C1orf105: variants seen among roughly 807,000 people sequenced by gnomAD.
C1orf105 encodes the protein uncharacterized protein C1orf105.
In C1orf105, 17 loss-of-function variants were observed where a neutral mutation model predicts 20.8. The ratio of observed to expected loss-of-function variants is 0.82; its 90% CI spans 0.56 to 1.23. C1orf105 has a LOEUF of 1.23. C1orf105 is among the 50% of genes most tolerant of loss of function. C1orf105 has a pLI of 0.00. For missense variants in C1orf105, 219 were observed against 213.5 expected (o/e 1.03, Z -0.16); for synonymous variants, 72 against 72.1 (o/e 1.00, Z 0.01).
At chr1:172,456,333 C>A in intron 3 of C1orf105, 82 bp from the exon 4 acceptor site, 5 of 1,179,590 alleles carry the variant, frequency 4.2e-6, no homozygotes, top group Non-Finnish European at 6.2e-6. Flanking sequence ...ACCTCTCTCA[C>A]CCCTCCACTG....
chr1:172,441,814 A>C, intron 1 of C1orf105: 1 of 1,612,822 alleles, frequency 6.2e-7, no homozygotes, highest in South Asian at 1.1e-5. Context: ...CTGCAAGCGA[A>C]TGAGGTAGAA....
At chr1:172,444,185 C>T (rs906226658) in intron 1 of C1orf105, 5 of 986,618 alleles carry the variant, frequency 5.1e-6, no homozygotes, top group Non-Finnish European at 4.8e-6. Context: ...CTCCGGTCTC[C>T]TCTCCTGGAG....
At position 172,441,464 on chromosome 1, in the gene C1orf105, G is replaced by A. The variant is rs150967830; in HGVS notation, c.22-3609G>A. 1,362 of 299,394 alleles carry A rather than the reference G, an allele frequency of 4.5e-3. 17 individuals are homozygous for A. Among genetic ancestry groups the A allele is most frequent in the African/African-American group, 0.028 (1,284 of 46,232 alleles). The allele number at this position is 299,394 out of a possible 1,614,324, so 18.5% of individuals were successfully genotyped here. ...AATCATGAGACAACTTGATGGATGT[G>A]TTATTTTTTTAATAGAAACCACATC... On this transcript the variant is annotated intron_variant, in intron 1 of 6. Transcript: ENST00000367727.
intron 6 of C1orf105, 74 bp downstream of exon 6, chr1:172,465,437 C>T: frequency 1.9e-6 from 2 of 1,074,492 alleles, no homozygotes; most frequent in Non-Finnish European, 2.9e-6. Flanking sequence ...AGTCTAATCC[C>T]TAAAATAATT....
intron 1 of C1orf105, among the ~76,000 whole-genome samples, chr1:172,424,680 C>T (rs539001631): frequency 6.6e-6 from 1 of 152,260 alleles, no homozygotes; most frequent in African/African-American, 2.4e-5. Context: ...TGTGAGCCAC[C>T]GTGCCCGGCC....
chr1:172,453,461 C>T (rs896889004), intron 3 of C1orf105, among the ~76,000 whole-genome samples: 9 of 152,306 alleles, frequency 5.9e-5, no homozygotes, highest in African/African-American at 9.6e-5. Context: ...TGTTCTGTAA[C>T]GTTTCCCTGA....
chr1:172,432,847 C>T (rs1448099762), intron 1 of C1orf105, among the ~76,000 whole-genome samples: 1 of 152,086 alleles, frequency 6.6e-6, no homozygotes, highest in African/African-American at 2.4e-5. Context: ...TCTAAGCAAT[C>T]GCAAGGAAGT....
chr1:172,431,781 G>C (rs572383366), intron 1 of C1orf105, among the ~76,000 whole-genome samples: 1 of 152,230 alleles, frequency 6.6e-6, no homozygotes, highest in Non-Finnish European at 1.5e-5. Flanking sequence ...AAAGCAGGGC[G>C]GGGCATCGCC....
rs1008891403 is a variant in C1orf105 at position 172,420,799 on chromosome 1, C to T, written c.-87C>T. ...AAACACTTTGGATTCAGGTTCTCCA[C>T]AGCAGTCTTCCACTGGCCACAGTGA... On this transcript the variant is annotated 5_prime_UTR_variant, in exon 1 of 7. Transcript: ENST00000367727. The T allele has an allele frequency of 2.2e-5, 30 of 1,362,832 alleles. 1 individual carries two copies. The East Asian group carries it at 6.9e-4, about 32-fold the overall frequency. The allele number at this position is 1,362,832 out of a possible 1,614,324, so 84.4% of individuals were successfully genotyped here.
Position 172,448,436 on chromosome 1 carries a change from C to T in C1orf105, c.108-5C>T, listed in dbSNP as rs763010358. 5 of 1,591,744 alleles carry T rather than the reference C, an allele frequency of 3.1e-6. No individual in the cohort carries two copies. The South Asian group carries it at 3.3e-5, about 11-fold the overall frequency. The stretch of plus-strand genomic sequence containing the variant: ...TTCTAACGTTCTCTTGTTTTAATTA[C>T]TTAGATATCCTCATACCTCTGCGAC... On this transcript the variant is annotated splice_region_variant and splice_polypyrimidine_tract_variant and intron_variant, in intron 2 of 6. Transcript: ENST00000367727.
intron 6 of C1orf105, among the ~76,000 whole-genome samples, chr1:172,466,468 A>C (rs1204361265): frequency 2.6e-5 from 4 of 152,132 alleles, no homozygotes; most frequent in Admixed American, 2.0e-4. Flanking sequence ...GGTGATAGGC[A>C]TGTGCAGTTG....
chr1:172,442,093 A>AGTGTGCTGGATAC, intron 1 of C1orf105: 1 of 1,614,228 alleles, frequency 6.2e-7, no homozygotes, highest in South Asian at 1.1e-5. Flanking sequence ...GTTCAAGGAT[A>AGTGTGCTGGATAC]GTGTGCTGGA....
chr1:172,428,902 A>G (rs1441680802), intron 1 of C1orf105: 5 of 654,278 alleles, frequency 7.6e-6, no homozygotes, highest in Non-Finnish European at 1.4e-5. Flanking sequence ...GAATGGTAGA[A>G]GGTGAGTAGA....
intron 5 of C1orf105, among the ~76,000 whole-genome samples, chr1:172,464,647 T>G (rs904484812): frequency 9.6e-5 from 4 of 41,746 alleles, no homozygotes; most frequent in Middle Eastern, 0.014. Context: ...GAGTTCTGTT[T>G]TTTTTTTTTT....
chr1:172,456,733 G>A lies in C1orf105; in HGVS notation c.273+244G>A, dbSNP rs74126243. Among the ~76,000 whole-genome samples the A allele has an allele frequency of 8.6e-4, 131 of 152,310 alleles. 1 individual carries two copies. The highest frequency in any genetic ancestry group is 3.0e-3 in the African/African-American group (125 of 41,572). ...ATGGGCCAGAGTAGAGATGCAATGAGACACTTCGCCTTGGGCTCCTAAGTA... is the reference window on the plus strand; with the variant it reads ...ATGGGCCAGAGTAGAGATGCAATGAAACACTTCGCCTTGGGCTCCTAAGTA... On this transcript the variant is annotated intron_variant, in intron 4 of 6. Coordinates refer to ENST00000367727, the MANE Select transcript of C1orf105 (RefSeq NM_139240.4).
At chr1:172,424,912 G>A (rs559223492) in intron 1 of C1orf105, among the ~76,000 whole-genome samples, 12 of 152,274 alleles carry the variant, frequency 7.9e-5, no homozygotes, top group African/African-American at 2.4e-4. Context: ...AATGTCACTC[G>A]GGCCCAGCAC....
intron 1 of C1orf105, among the ~76,000 whole-genome samples, chr1:172,422,205 T>G (rs887651354): frequency 1.3e-5 from 2 of 152,118 alleles, no homozygotes; most frequent in African/African-American, 4.8e-5. Context: ...CAACACAGCT[T>G]ATGGCTCCAA....
intron 1 of C1orf105, among the ~76,000 whole-genome samples, chr1:172,436,125 T>C (rs1446900978): frequency 6.6e-6 from 1 of 152,236 alleles, no homozygotes; most frequent in African/African-American, 2.4e-5. Context: ...TCCATGTTCA[T>C]GGATAGGAAG....
intron 3 of C1orf105, among the ~76,000 whole-genome samples, chr1:172,454,718 C>T (rs1649047041): frequency 6.6e-6 from 1 of 151,930 alleles, no homozygotes; most frequent in Admixed American, 6.6e-5. Flanking sequence ...TTTTTTTACC[C>T]TTCTCAGACC....
Sources: gnomAD v4.1 joint callset for allele counts (sites outside exome capture counted in the v4.1 genomes callset) on GRCh38, gnomAD v4.1.1 for gene constraint, MANE v1.5 for transcripts, NCBI Gene and HGNC (gene_info 2026-07-23, HGNC 2026-07-21) for gene names.